The following FLT3LG variants were observed in gnomAD, a reference collection of about 807,000 sequenced individuals.
FLT3LG encodes fms-related tyrosine kinase 3 ligand.
Under a neutral mutation model 30.9 loss-of-function variants are expected in FLT3LG, and 8 were observed. The observed-to-expected ratio is 0.26, with a 90% CI of 0.15 to 0.47. The LOEUF (loss-of-function observed/expected upper bound fraction) is 0.47. FLT3LG is among the 20% of genes least tolerant of loss of function. The pLI, the probability that FLT3LG is intolerant of heterozygous loss-of-function variation, is 0.99. For missense variants in FLT3LG, 278 were observed against 306.2 expected, an observed-to-expected ratio of 0.91 and a Z score of 0.69; for synonymous variants, 123 against 135.9, an observed-to-expected ratio of 0.91 and a Z score of 0.66.
chr19:49,478,354 C>A (rs2079470682), intron 5 of FLT3LG, among the ~76,000 whole-genome samples: 1 of 152,092 alleles, frequency 6.6e-6, no homozygotes, highest in African/African-American at 2.4e-5. Flanking sequence ...GTAGTCCCAA[C>A]TACCTGGGAG....
chr19:49,480,589 T>C lies in FLT3LG; in HGVS notation c.698T>C (p.Val233Ala). 6.2e-7 allele frequency: 1 copy of C among 1,613,072 alleles called. No individual in the cohort carries two copies. The highest frequency in any genetic ancestry group is 8.5e-7 in the Non-Finnish European group (1 of 1,179,656). ...PVPSPQDLLL[V>A]EH ...CCCAGTCCCCAGGACCTGCTGCTTG[T>C]GGAGCACTGACCTGGCCAAGGCCTC... Residue 233 changes from valine (V) to alanine (A), a missense_variant, in exon 8 of 9, where the codon GTG becomes GCG. Val to Ala is a moderately conservative substitution (Grantham distance 64). Transcript: ENST00000597551.
intron 5 of FLT3LG, among the ~76,000 whole-genome samples, chr19:49,477,721 G>A (rs2079442874): frequency 6.6e-6 from 1 of 151,588 alleles, no homozygotes; most frequent in Admixed American, 6.6e-5. Flanking sequence ...CAGCCTGGGC[G>A]ACAGAGCAAG....
Position 49,480,369 on chromosome 19 carries a change from C to A in FLT3LG, c.553C>A (p.Pro185Thr). Residue 185 changes from proline to threonine, a missense_variant, in exon 7 of 9, where the codon CCT (proline) becomes ACT (threonine). Around this residue, in one of 3 missense-constraint regions of FLT3LG, gnomAD observed 170 missense variants for 162.0 expected, o/e 1.05. Transcript: ENST00000597551. ...CACAGCCCCGACAGCCCCGCAGCCC[C>A]CTCTGCTCCTCCTACTGCTGCTGCC... ...EATAPTAPQP[P>T]LLLLLLLPVG... is the part of the protein sequence containing the mutation. 6.2e-7 allele frequency: 1 copy of A among 1,610,474 alleles called. No homozygotes were observed. Among genetic ancestry groups the A allele is most frequent in the Non-Finnish European group, 8.5e-7 (1 of 1,178,740 alleles).
intron 5 of FLT3LG, among the ~76,000 whole-genome samples, chr19:49,477,417 T>G (rs1194317952): frequency 1.3e-5 from 2 of 151,306 alleles, no homozygotes; most frequent in African/African-American, 4.9e-5. Flanking sequence ...GCACTCCAGC[T>G]TGAGCGACAG....
rs529445335 is a variant in FLT3LG, at chr19:49,480,954, C to T, written c.*21+334C>T. ...GGCTGAGGAAGGAGAATTGCTTGAA[C>T]CCAGGAGGCGGAGGTTGCAGTGAGC... On this transcript the variant is annotated intron_variant, in intron 8 of 8. Transcript: ENST00000597551. 10 of 219,064 alleles carry T rather than the reference C, an allele frequency of 4.6e-5. No homozygotes were observed. The South Asian group carries it at 9.2e-4, about 20-fold the overall frequency. The allele number at this position is 219,064 out of a possible 1,614,324, so 13.6% of individuals were successfully genotyped here.
chr19:49,478,400 G>A (rs1235752890), intron 5 of FLT3LG, among the ~76,000 whole-genome samples: 1 of 152,034 alleles, frequency 6.6e-6, no homozygotes, highest in Non-Finnish European at 1.5e-5. Flanking sequence ...CCAGGAGGCG[G>A]AGCTTGCAGT....
chr19:49,474,548 C>T, intron 1 of FLT3LG, 55 bp from the exon 2 acceptor site: 1 of 1,244,736 alleles, frequency 8.0e-7, no homozygotes, highest in Non-Finnish European at 1.1e-6. Context: ...AAGGGGCGGG[C>T]AGGGCAGGGG....
In FLT3LG at chr19:49,476,639, A is replaced by G; in HGVS notation, c.342+73A>G. 1.9e-6 allele frequency: 3 copies of G among 1,598,372 alleles called. No homozygotes were observed. Among genetic ancestry groups the G allele is most frequent in the Non-Finnish European group, 2.6e-6 (3 of 1,171,224 alleles). On this transcript the variant is annotated intron_variant, in intron 5 of 8. Transcript: ENST00000597551. The surrounding 1 kb of genome is among the most constrained non-coding windows in gnomAD (Gnocchi z 5.3). ...TACGAATTAGAAGTAAAGCTCCACT[A>G]GGCCTTATTGGCGATTTGGACCATA...
At position 49,475,824 on chromosome 19, in the gene FLT3LG, C is replaced by A; in HGVS notation, c.144+23C>A. The A allele has an allele frequency of 1.9e-6, 3 of 1,605,802 alleles. No individual in the cohort carries two copies. The South Asian group carries it at 3.3e-5, about 18-fold the overall frequency. ...CTGGTGAGCGGCGCTGCCCCGGACC[C>A]CCTCATGTGATCCCCCTTCCCCCCA... On this transcript the variant is annotated intron_variant, in intron 3 of 8. Transcript: ENST00000597551.
chr19:49,481,325 G>C (rs556166106), intron 8 of FLT3LG: 23 of 152,888 alleles, frequency 1.5e-4, no homozygotes, highest in African/African-American at 5.5e-4. Flanking sequence ...AGCTCACTGG[G>C]GACCTGAAGG....
chr19:49,480,224 T>C, intron 6 of FLT3LG, 74 bp from the exon 7 acceptor site: 1 of 1,123,674 alleles, frequency 8.9e-7, no homozygotes, highest in Non-Finnish European at 1.3e-6. Context: ...ACACAGCCAG[T>C]GGCAGCCAGG....
intron 5 of FLT3LG, among the ~76,000 whole-genome samples, chr19:49,478,609 C>T (rs1404625783): frequency 6.6e-6 from 1 of 151,996 alleles, no homozygotes; most frequent in Non-Finnish European, 1.5e-5. Flanking sequence ...CCCGTCTCTA[C>T]TACAAATACA....
At chr19:49,474,801 A>T in intron 2 of FLT3LG, 129 bp downstream of exon 2, 2 of 774,052 alleles carry the variant, frequency 2.6e-6, no homozygotes, top group Non-Finnish European at 3.9e-6. Flanking sequence ...AGATGGACAG[A>T]TGTGAGGGGA....
At chr19:49,485,313 G>T (rs534740738) in intron 8 of FLT3LG, among the ~76,000 whole-genome samples, 1 of 141,802 alleles carries the variant, frequency 7.1e-6, no homozygotes, top group Non-Finnish European at 1.5e-5. Flanking sequence ...GCAATGGCAC[G>T]ATCTTGGCTC....
chr19:49,485,057 A>C (rs1167911837), intron 8 of FLT3LG, among the ~76,000 whole-genome samples: 1 of 151,906 alleles, frequency 6.6e-6, no homozygotes, highest in Non-Finnish European at 1.5e-5. Context: ...ACTGCATTCC[A>C]GCCTGAAACA....
intron 6 of FLT3LG, among the ~76,000 whole-genome samples, chr19:49,479,929 C>T (rs1317490239): frequency 2.6e-5 from 4 of 152,030 alleles, no homozygotes; most frequent in Admixed American, 1.3e-4. Context: ...CTCAGCCTTC[C>T]GAGTACCTGG....
chr19:49,474,949 G>T (rs1243312772), intron 2 of FLT3LG, among the ~76,000 whole-genome samples: 1 of 127,304 alleles, frequency 7.9e-6, no homozygotes, highest in Non-Finnish European at 1.6e-5. Context: ...GACAGAGGAG[G>T]GGGAGATGGA....
chr19:49,485,522 G>A (rs1279259433), intron 8 of FLT3LG, among the ~76,000 whole-genome samples: 13 of 152,072 alleles, frequency 8.5e-5, no homozygotes, highest in South Asian at 4.2e-4. Flanking sequence ...TCCGCCTCCC[G>A]GGTTCAAGCA....
chr19:49,480,280 C>T lies in FLT3LG; in HGVS notation c.482-18C>T, dbSNP rs2079555759. On this transcript the variant is annotated intron_variant, in intron 6 of 8. Transcript: ENST00000597551. ...CCAGCCCTTCTCCTTGGTCACCCAG[C>T]CTCCTCTTTCTCCCCAGACTCCTCA... 1 of 1,551,730 alleles carries T rather than the reference C, an allele frequency of 6.4e-7. No homozygotes were observed. Among genetic ancestry groups the T allele is most frequent in the African/African-American group, 1.4e-5 (1 of 73,156 alleles).
Sources: gnomAD v4.1 joint callset for allele counts (sites outside exome capture counted in the v4.1 genomes callset) on GRCh38, gnomAD v4.1.1 for gene constraint, gnomAD v4.1.1 regional missense constraint, Gnocchi (gnomAD v3.1) non-coding constraint, MANE v1.5 for transcripts, NCBI Gene and HGNC (gene_info 2026-07-23, HGNC 2026-07-21) for gene names.